COBL: variants seen among roughly 807,000 people sequenced by gnomAD.
The protein encoded by COBL is protein cordon-bleu.
In COBL, 51 loss-of-function variants were observed where a neutral mutation model predicts 98.8. The observed-to-expected ratio is 0.52, with a 90% confidence interval of 0.41 to 0.65. The LOEUF is 0.65. Ranked by LOEUF, COBL falls within the 30% of genes least tolerant of loss-of-function variation. The pLI is 0.00. For synonymous variants in COBL, 634 were observed against 651.7 expected, an observed-to-expected ratio of 0.97 and a Z score of 0.41; for missense variants, 1,617 against 1,617.5, an observed-to-expected ratio of 1.00 and a Z score of 0.01.
intron 6 of COBL, among the ~76,000 whole-genome samples, chr7:51,102,097 T>C (rs767746780): frequency 6.6e-6 from 1 of 152,214 alleles, no homozygotes; most frequent in African/African-American, 2.4e-5. Flanking sequence ...CCGAGTCTTC[T>C]GGCGCCATGA....
At chr7:51,057,995 AGTTT>A (rs1424263038) in intron 7 of COBL, among the ~76,000 whole-genome samples, 2 of 152,208 alleles carry the variant, frequency 1.3e-5, no homozygotes, top group East Asian at 3.8e-4. Context: ...TTTAAAATGA[AGTTT>A]GTTTTCTTTT....
Position 51,028,254 on chromosome 7 carries a change from C to A in COBL, c.2842G>T (p.Ala948Ser). Reference protein sequence around the residue: ...NNHGEDLAVGAPPRGEVIGPH... With the variant: ...NNHGEDLAVGSPPRGEVIGPH... ...CCAATGACCTCCCCCCTAGGAGGGG[C>A]TCCCACTGCCAAATCTTCCCCGTGG... The change falls in exon 10 of 13, where the codon GCC becomes TCC. Residue 948 changes from alanine (A) to serine (S), a missense_variant. By Grantham distance (99) the Ala-to-Ser change is moderately conservative. Coordinates refer to ENST00000265136, the MANE Select transcript of COBL (RefSeq NM_015198.5). The A allele has an allele frequency of 6.2e-7, 1 of 1,614,154 alleles. No homozygotes were observed. The highest frequency in any genetic ancestry group is 1.7e-5 in the Admixed American group (1 of 60,022).
At chr7:51,121,240 T>C (rs1476166354) in intron 6 of COBL, among the ~76,000 whole-genome samples, 4 of 152,222 alleles carry the variant, frequency 2.6e-5, no homozygotes, top group Admixed American at 6.5e-5. Context: ...TGGTATCTCA[T>C]TGTGGTTTTG....
intron 6 of COBL, among the ~76,000 whole-genome samples, chr7:51,125,563 T>C (rs569897804): frequency 9.2e-5 from 14 of 152,362 alleles, no homozygotes; most frequent in South Asian, 6.2e-4. Context: ...CTTGGTCTTC[T>C]GTTTTACAAA....
intron 1 of COBL, among the ~76,000 whole-genome samples, chr7:51,254,959 C>A (rs553777997): frequency 6.6e-6 from 1 of 152,268 alleles, no homozygotes; most frequent in Non-Finnish European, 1.5e-5. Flanking sequence ...ACATCTTATA[C>A]CATGATTCAA....
chr7:51,144,513 C>G (rs1306793643), intron 5 of COBL, among the ~76,000 whole-genome samples: 1 of 152,142 alleles, frequency 6.6e-6, no homozygotes, highest in African/African-American at 2.4e-5. Context: ...GGCTGTTTTC[C>G]TTTTTTAAAT....
intron 1 of COBL, among the ~76,000 whole-genome samples, chr7:51,221,885 G>A (rs151199125): frequency 1.2e-3 from 187 of 152,280 alleles, no homozygotes; most frequent in Middle Eastern, 6.8e-3. Context: ...GCACATTCAC[G>A]TCATTAAAAT....
Position 51,028,571 on chromosome 7 carries a change from C to A in COBL, c.2525G>T (p.Gly842Val), listed in dbSNP as rs1282778658. 19 of 1,614,106 alleles carry A rather than the reference C, an allele frequency of 1.2e-5. No homozygotes were observed. Among genetic ancestry groups the A allele is most frequent in the Non-Finnish European group, 1.5e-5 (18 of 1,180,044 alleles). ...GRNQPPTMGM[G>V]HVRVPAAHTT... ...GTGAGCTGCTGGCACCCTCACGTGA[C>A]CCATGCCCATGGTGGGGGGCTGGTT... The change falls in exon 10 of 13, where the codon GGT becomes GTT. Residue 842 changes from glycine to valine, a missense_variant. Gly to Val is a moderately radical substitution (Grantham distance 109). This residue lies in a region of COBL where 1,304 missense variants were observed against 1,282.0 expected (regional missense o/e 1.02). Coordinates refer to ENST00000265136, the MANE Select transcript of COBL (RefSeq NM_015198.5).
chr7:51,068,296 T>G (rs549339604), intron 7 of COBL, among the ~76,000 whole-genome samples: 3 of 152,234 alleles, frequency 2.0e-5, no homozygotes, highest in Admixed American at 6.5e-5. Context: ...TCACAAAGGA[T>G]GCATTCAGAT....
chr7:51,036,251 C>T (rs1037329904), intron 8 of COBL, among the ~76,000 whole-genome samples: 55 of 142,412 alleles, frequency 3.9e-4, no homozygotes, highest in Non-Finnish European at 2.8e-4. Flanking sequence ...GCAGGAAAAT[C>T]GCCTGAACCC....
chr7:51,082,997 C>T, intron 7 of COBL: 2 of 1,465,244 alleles, frequency 1.4e-6, no homozygotes, highest in Non-Finnish European at 9.2e-7. Flanking sequence ...CCAGCCCTGA[C>T]ATCGCAGTGC....
rs1198557085 is a variant in COBL at position 51,190,983 on chromosome 7, A to G, written c.552T>C (p.Ile184=). The change falls in exon 4 of 13, where the codon ATT becomes ATC. Residue 184 remains isoleucine, a synonymous_variant. Coordinates refer to ENST00000265136, the MANE Select transcript of COBL (RefSeq NM_015198.5). ...EVPLQNILPV[I]CAKCEVSPEH... ...CTGGGCTGACCTCACACTTTGCACA[A>G]ATGACTGGGAGAATATTCTGGAGAG... The G allele has an allele frequency of 6.2e-7, 1 of 1,614,016 alleles. No homozygotes were observed. The highest frequency in any genetic ancestry group is 1.3e-5 in the African/African-American group (1 of 74,908).
rs866529498 is a variant in COBL at position 51,091,974 on chromosome 7, T to G, written c.958-6670A>C. Among the ~76,000 whole-genome samples the G allele has an allele frequency of 3.9e-5, 6 of 152,234 alleles. 1 individual carries two copies. Among genetic ancestry groups the G allele is most frequent in the African/African-American group, 1.2e-4 (5 of 41,466 alleles). On this transcript the variant is annotated intron_variant, in intron 6 of 12. Transcript: ENST00000265136. ...GTTTATCTCAGGGGTTCCCAAACCC[T>G]GGGCCACAGACCAGTACCAATTCGT... is the stretch of plus-strand genomic sequence containing the variant.
intron 1 of COBL, among the ~76,000 whole-genome samples, chr7:51,308,339 T>C (rs186658869): frequency 1.7e-4 from 26 of 152,320 alleles, no homozygotes; most frequent in African/African-American, 5.8e-4. Flanking sequence ...CCGCCAGAAC[T>C]GATTTGGTAA....
At chr7:51,188,525 C>G (rs143243250) in intron 4 of COBL, among the ~76,000 whole-genome samples, 1 of 152,140 alleles carries the variant, frequency 6.6e-6, no homozygotes, top group East Asian at 1.9e-4. Flanking sequence ...ATGGTCCAGA[C>G]GAAAGGGGTG....
intron 4 of COBL, among the ~76,000 whole-genome samples, chr7:51,190,502 C>T (rs1161144689): frequency 1.3e-5 from 2 of 152,192 alleles, no homozygotes; most frequent in Non-Finnish European, 2.9e-5. Flanking sequence ...AAGTGTGAGC[C>T]ACCAACCCAC....
At chr7:51,089,392 A>C (rs556116037) in intron 6 of COBL, among the ~76,000 whole-genome samples, 1 of 151,916 alleles carries the variant, frequency 6.6e-6, no homozygotes, top group Admixed American at 6.6e-5. Flanking sequence ...GCGGGCACCT[A>C]TAAGCCCAGC....
At chr7:51,251,181 T>C (rs1796704725) in intron 1 of COBL, among the ~76,000 whole-genome samples, 1 of 152,152 alleles carries the variant, frequency 6.6e-6, no homozygotes, top group African/African-American at 2.4e-5. Context: ...ACCTGCAAAT[T>C]AGAACACGTA....
intron 6 of COBL, among the ~76,000 whole-genome samples, chr7:51,087,137 C>G (rs868456331): frequency 6.7e-6 from 1 of 149,214 alleles, no homozygotes; most frequent in South Asian, 2.1e-4. Flanking sequence ...CACACACACA[C>G]AGAGACATAC....
Sources: gnomAD v4.1 joint callset for allele counts (sites outside exome capture counted in the v4.1 genomes callset) on GRCh38, gnomAD v4.1.1 for gene constraint, gnomAD v4.1.1 regional missense constraint, MANE v1.5 for transcripts, NCBI Gene and HGNC (gene_info 2026-07-23, HGNC 2026-07-21) for gene names.